Variants in ANGPT1 observed in about 807,000 individuals in gnomAD.
ANGPT1 encodes the protein angiopoietin 1, also known as angiopoietin-1.
A neutral mutation model predicts 62.2 loss-of-function variants in ANGPT1; 17 were observed. The ratio of observed to expected loss-of-function variants is 0.27; its 90% confidence interval spans 0.19 to 0.41. The LOEUF (loss-of-function observed/expected upper bound fraction) is 0.41. Ranked by LOEUF, ANGPT1 falls within the 10% of genes least tolerant of loss-of-function variation. ANGPT1 has a pLI of 1.00. For missense variants in ANGPT1, 478 were observed against 594.9 expected, an observed-to-expected ratio of 0.80 and a Z score of 2.04; for synonymous variants, 199 against 198.9, an observed-to-expected ratio of 1.00 and a Z score of 0.00.
intron 1 of ANGPT1, among the ~76,000 whole-genome samples, chr8:107,470,518 A>G (rs1278526776): frequency 1.3e-5 from 2 of 152,070 alleles, no homozygotes; most frequent in African/African-American, 4.8e-5. Flanking sequence ...TTCTTTGTAG[A>G]TTCTAGATAT....
Position 107,294,765 on chromosome 8 carries a change from T to A in ANGPT1, c.937-728A>T, listed in dbSNP as rs114954924. ...CATATTTTAATTATTCAAAATACAATGGTATTTATTTAGAAATTGACTCAT... is the reference window on the plus strand; with the variant it reads ...CATATTTTAATTATTCAAAATACAAAGGTATTTATTTAGAAATTGACTCAT... On this transcript the variant is annotated intron_variant, in intron 5 of 8. Coordinates refer to ENST00000517746, the MANE Select transcript of ANGPT1 (RefSeq NM_001146.5). 606 of 152,284 alleles carry A rather than the reference T, an allele frequency of 4.0e-3. 5 individuals carry two copies. Among genetic ancestry groups the A allele is most frequent in the African/African-American group, 0.013 (561 of 41,556 alleles). 9.4% of individuals were successfully genotyped at this position (152,284 alleles called of 1,614,324 possible).
At chr8:107,308,212 A>G (rs1288012106) in intron 4 of ANGPT1, among the ~76,000 whole-genome samples, 1 of 136,896 alleles carries the variant, frequency 7.3e-6, no homozygotes, top group Non-Finnish European at 1.7e-5. Flanking sequence ...AAGATCTTCC[A>G]TGAACGCTAT....
chr8:107,275,002 A>G (rs1425997523), intron 7 of ANGPT1, among the ~76,000 whole-genome samples: 1 of 152,128 alleles, frequency 6.6e-6, no homozygotes, highest in Non-Finnish European at 1.5e-5. Flanking sequence ...AACCCAATCA[A>G]GGACGAAGAG....
At chr8:107,391,958 C>T (rs940196274) in intron 1 of ANGPT1, among the ~76,000 whole-genome samples, 1 of 152,080 alleles carries the variant, frequency 6.6e-6, no homozygotes, top group Non-Finnish European at 1.5e-5. Flanking sequence ...CTTATGTGAC[C>T]ACCAGGGTAT....
At chr8:107,340,809 C>T (rs1024807917) in intron 2 of ANGPT1, among the ~76,000 whole-genome samples, 10 of 151,980 alleles carry the variant, frequency 6.6e-5, no homozygotes, top group African/African-American at 1.9e-4. Context: ...TCTCTTTCAA[C>T]GACTCATTAA....
At chr8:107,432,505 A>G (rs867785355) in intron 1 of ANGPT1, among the ~76,000 whole-genome samples, 3 of 152,154 alleles carry the variant, frequency 2.0e-5, no homozygotes, top group Admixed American at 2.0e-4. Context: ...TCTGCTAAAA[A>G]TACAAAAAAT....
intron 3 of ANGPT1, chr8:107,322,716 C>A (rs1041162586): frequency 6.2e-6 from 2 of 324,304 alleles, no homozygotes; most frequent in East Asian, 1.0e-4. Context: ...AGAAAAAAAT[C>A]TCTTATTTTG....
chr8:107,443,584 G>A (rs1192008108), intron 1 of ANGPT1, among the ~76,000 whole-genome samples: 7 of 151,562 alleles, frequency 4.6e-5, no homozygotes, highest in Non-Finnish European at 1.0e-4. Context: ...TGAGGCGGGC[G>A]GATCACCTGA....
intron 1 of ANGPT1, among the ~76,000 whole-genome samples, chr8:107,371,475 G>A (rs1235029133): frequency 7.2e-5 from 11 of 151,874 alleles, no homozygotes; most frequent in Non-Finnish European, 1.5e-4. Context: ...GCTACTCTTT[G>A]TGGTTTGTGG....
At chr8:107,449,608 A>T (rs775654441) in intron 1 of ANGPT1, among the ~76,000 whole-genome samples, 17 of 152,028 alleles carry the variant, frequency 1.1e-4, no homozygotes, top group Admixed American at 1.3e-4. Context: ...TATAAATGAG[A>T]CCTATTTATT....
chr8:107,384,820 T>A (rs535182892), intron 1 of ANGPT1, among the ~76,000 whole-genome samples: 1 of 152,246 alleles, frequency 6.6e-6, no homozygotes, highest in Non-Finnish European at 1.5e-5. Flanking sequence ...GGGGGTCTAG[T>A]TTCAATCTTC....
intron 5 of ANGPT1, among the ~76,000 whole-genome samples, chr8:107,300,729 T>C (rs1175441753): frequency 2.0e-5 from 3 of 151,948 alleles, no homozygotes; most frequent in African/African-American, 4.8e-5. Flanking sequence ...ATATCAGAAG[T>C]TAATTCAGTA....
chr8:107,375,303 T>C (rs960073426), intron 1 of ANGPT1, among the ~76,000 whole-genome samples: 2 of 152,166 alleles, frequency 1.3e-5, no homozygotes, highest in African/African-American at 2.4e-5. Flanking sequence ...GCAGTTAGTA[T>C]TTTTTTAAAA....
chr8:107,397,408 C>G (rs1816957598), intron 1 of ANGPT1, among the ~76,000 whole-genome samples: 1 of 151,116 alleles, frequency 6.6e-6, no homozygotes, highest in Admixed American at 6.6e-5. Context: ...CTTAGGGTAA[C>G]ATGAGGGGAT....
At chr8:107,331,535 G>A (rs572263606) in intron 3 of ANGPT1, among the ~76,000 whole-genome samples, 4 of 152,154 alleles carry the variant, frequency 2.6e-5, no homozygotes, top group Admixed American at 6.5e-5. Context: ...AATTAAGGCA[G>A]AGAATCACCA....
chr8:107,491,795 A>AT (rs1812964190), intron 1 of ANGPT1, among the ~76,000 whole-genome samples: 1 of 152,152 alleles, frequency 6.6e-6, no homozygotes, highest in African/African-American at 2.4e-5. Context: ...TTGTAGGAGG[A>AT]TTTTAAGGGG....
intron 1 of ANGPT1, among the ~76,000 whole-genome samples, chr8:107,476,567 C>T (rs560195004): frequency 3.3e-5 from 5 of 151,756 alleles, no homozygotes; most frequent in African/African-American, 1.2e-4. Context: ...TGCACACGTA[C>T]CCTAGAACTT....
At chr8:107,279,770 AAG>A (rs1491440350) in intron 7 of ANGPT1, among the ~76,000 whole-genome samples, 3 of 60,652 alleles carry the variant, frequency 4.9e-5, no homozygotes, top group African/African-American at 2.4e-4. Context: ...CACTCAAAGG[AAG>A]GGGGGGGGAG....
chr8:107,355,437 C>G (rs1586250783), intron 1 of ANGPT1, among the ~76,000 whole-genome samples: 1 of 152,248 alleles, frequency 6.6e-6, no homozygotes, highest in South Asian at 2.1e-4. Context: ...TTTGTCATGT[C>G]ACTGTTCAAA....
Sources: gnomAD v4.1 joint callset for allele counts (sites outside exome capture counted in the v4.1 genomes callset) on GRCh38, gnomAD v4.1.1 for gene constraint, MANE v1.5 for transcripts, NCBI Gene and HGNC (gene_info 2026-07-23, HGNC 2026-07-21) for gene names.